The following KIF6 variants were observed in gnomAD, a reference collection of about 807,000 sequenced individuals.
KIF6 encodes kinesin family member 6.
Under a neutral mutation model 112.7 loss-of-function variants are expected in KIF6, and 106 were observed. The ratio of observed to expected loss-of-function variants is 0.94; its 90% CI spans 0.80 to 1.11. KIF6 has a LOEUF of 1.11. Among genes scored for constraint, KIF6 ranks in the 50% least tolerant of loss-of-function variants. The pLI, the probability that KIF6 is intolerant of heterozygous loss-of-function variation, is 0.00. For synonymous variants in KIF6, 339 were observed against 339.9 expected (o/e 1.00, Z 0.03); for missense variants, 929 against 964.0 (o/e 0.96, Z 0.48).
intron 13 of KIF6, among the ~76,000 whole-genome samples, chr6:39,492,078 G>A (rs2150477406): frequency 6.6e-6 from 1 of 152,304 alleles, no homozygotes; most frequent in African/African-American, 2.4e-5. Context: ...CCCACGGCGA[G>A]ACTGTAAGAT....
At chr6:39,471,054 G>T (rs538817551) in intron 13 of KIF6, among the ~76,000 whole-genome samples, 3 of 152,298 alleles carry the variant, frequency 2.0e-5, no homozygotes, top group Admixed American at 1.3e-4. Context: ...TGTAATCCTT[G>T]GTCCAGCAAA....
chr6:39,650,181 C>G (rs1785399011), intron 3 of KIF6, among the ~76,000 whole-genome samples: 1 of 152,196 alleles, frequency 6.6e-6, no homozygotes. Context: ...CAAACAGCCC[C>G]TCTTAAAGGA....
At chr6:39,388,543 T>TA (rs923541108) in intron 15 of KIF6, among the ~76,000 whole-genome samples, 2 of 152,206 alleles carry the variant, frequency 1.3e-5, no homozygotes, top group African/African-American at 4.8e-5. Context: ...AGTTTTTTTT[T>TA]ATTTCCCCCA....
rs772932083 is a variant in KIF6 at position 39,544,657 on chromosome 6, T to TA, written c.1323dup (p.Thr442TyrfsTer5). Reference sequence around the variant, plus strand: ...TGGTCTTTGCTTTCAGAGGAGACTGTATTGTTTTCAAGGATCTTCTTGTCA... The same window carrying TA: ...TGGTCTTTGCTTTCAGAGGAGACTGTAATTGTTTTCAAGGATCTTCTTGTCA... On this transcript the variant is annotated frameshift_variant, in exon 12 of 23. Coordinates refer to ENST00000287152, the MANE Select transcript of KIF6 (RefSeq NM_145027.6). LOFTEE classifies it high-confidence loss of function. 1.2e-6 allele frequency: 2 copies of TA among 1,608,196 alleles called. No individual in the cohort carries two copies. Among genetic ancestry groups the TA allele is most frequent in the Non-Finnish European group, 1.7e-6 (2 of 1,178,028 alleles).
intron 16 of KIF6, among the ~76,000 whole-genome samples, chr6:39,369,785 AACTTGGCATGG>A (rs1322289159): frequency 1.3e-5 from 2 of 152,094 alleles, no homozygotes; most frequent in African/African-American, 4.8e-5. Context: ...TTACTGCTTG[AACTTGGCATGG>A]ATCCTATTCA....
chr6:39,538,261 C>T (rs1778560455), intron 13 of KIF6, among the ~76,000 whole-genome samples: 1 of 151,204 alleles, frequency 6.6e-6, no homozygotes, highest in Non-Finnish European at 1.5e-5. Flanking sequence ...AAAGAAACTA[C>T]CATCAGAGTG....
intron 9 of KIF6, among the ~76,000 whole-genome samples, chr6:39,584,477 A>T (rs1781504606): frequency 7.2e-6 from 1 of 138,924 alleles, no homozygotes; most frequent in African/African-American, 2.6e-5. Context: ...TATTGTCTCT[A>T]GATAGTTAAA....
At chr6:39,608,726 A>G (rs1783031476) in intron 6 of KIF6, among the ~76,000 whole-genome samples, 1 of 152,232 alleles carries the variant, frequency 6.6e-6, no homozygotes, top group South Asian at 2.1e-4. Flanking sequence ...CAAAATGTTG[A>G]AGTCATCTGT....
intron 13 of KIF6, among the ~76,000 whole-genome samples, chr6:39,475,792 A>G (rs1329038368): frequency 6.6e-6 from 1 of 152,194 alleles, no homozygotes; most frequent in East Asian, 1.9e-4. Context: ...CTTTTGAGGT[A>G]GGCTTTCCTT....
chr6:39,507,885 C>T (rs1316855311), intron 13 of KIF6, among the ~76,000 whole-genome samples: 1 of 148,600 alleles, frequency 6.7e-6, no homozygotes, highest in Non-Finnish European at 1.5e-5. Context: ...TCTTTCTTTC[C>T]TTTCTCTCTC....
At chr6:39,463,885 T>C (rs574735698) in intron 13 of KIF6, among the ~76,000 whole-genome samples, 8 of 152,332 alleles carry the variant, frequency 5.3e-5, no homozygotes, top group African/African-American at 1.4e-4. Flanking sequence ...GAGTCATCAT[T>C]CATTTTCTTC....
chr6:39,601,813 C>A (rs76799411), intron 6 of KIF6, among the ~76,000 whole-genome samples: 2,960 of 151,820 alleles, frequency 0.019, 92 homozygotes, highest in African/African-American at 0.067. Flanking sequence ...GGATCTTGGT[C>A]TTTTTGTCAA....
intron 10 of KIF6, among the ~76,000 whole-genome samples, chr6:39,559,540 A>G (rs1372975790): frequency 1.3e-5 from 2 of 152,214 alleles, no homozygotes; most frequent in Non-Finnish European, 2.9e-5. Flanking sequence ...ATGCTTCCTC[A>G]GCCCACATTA....
intron 13 of KIF6, among the ~76,000 whole-genome samples, chr6:39,529,506 G>T (rs1777921758): frequency 1.3e-5 from 2 of 152,050 alleles, no homozygotes; most frequent in African/African-American, 4.8e-5. Flanking sequence ...GGGTGACCTG[G>T]CCAGGCGCAG....
At chr6:39,551,706 A>T (rs1779392793) in intron 10 of KIF6, among the ~76,000 whole-genome samples, 1 of 152,210 alleles carries the variant, frequency 6.6e-6, no homozygotes, top group East Asian at 1.9e-4. Context: ...AAGGAATATG[A>T]TAACTAGGAA....
At chr6:39,619,683 A>G (rs1030007261) in intron 5 of KIF6, among the ~76,000 whole-genome samples, 5 of 152,186 alleles carry the variant, frequency 3.3e-5, no homozygotes, top group African/African-American at 7.2e-5. Context: ...AGCCCAAACA[A>G]GAATGATCTA....
intron 3 of KIF6, among the ~76,000 whole-genome samples, chr6:39,678,905 TCATAAAAGGCCC>T (rs1243907066): frequency 6.6e-6 from 1 of 152,068 alleles, no homozygotes; most frequent in Non-Finnish European, 1.5e-5. Context: ...AAGAAATAAA[TCATAAAAGGCCC>T]CAGTACCCTC....
chr6:39,404,601 G>A (rs964476080), intron 15 of KIF6, among the ~76,000 whole-genome samples: 1 of 152,146 alleles, frequency 6.6e-6, no homozygotes, highest in East Asian at 1.9e-4. Flanking sequence ...ATTGTGTGGT[G>A]TGACTTCTCC....
At chr6:39,511,773 T>A (rs1453215816) in intron 13 of KIF6, among the ~76,000 whole-genome samples, 1 of 152,222 alleles carries the variant, frequency 6.6e-6, no homozygotes, top group African/African-American at 2.4e-5. Flanking sequence ...TAAAACAGGA[T>A]GAGTTCATGT....
Sources: allele counts gnomAD v4.1 joint callset (sites outside exome capture counted in the v4.1 genomes callset), GRCh38; gene constraint gnomAD v4.1.1; transcripts MANE v1.5; gene names NCBI Gene and HGNC (gene_info 2026-07-23, HGNC 2026-07-21).